Variants in SERGEF observed in about 807,000 individuals in gnomAD.
The protein encoded by SERGEF is secretion regulating guanine nucleotide exchange factor.
A neutral mutation model predicts 50.0 loss-of-function variants in SERGEF; 51 were observed. The observed-to-expected ratio is 1.02, with a 90% CI of 0.81 to 1.29. The LOEUF (loss-of-function observed/expected upper bound fraction) is 1.29, where lower values mean the gene tolerates loss of function less well. Among genes scored for constraint, SERGEF ranks in the 50% most tolerant of loss-of-function variants. The pLI, the probability that SERGEF is intolerant of heterozygous loss-of-function variation, is 0.00. For synonymous variants in SERGEF, 205 were observed against 212.4 expected (o/e 0.97, Z 0.30); for missense variants, 521 against 557.0 (o/e 0.94, Z 0.65).
At chr11:18,004,255 G>A (rs1854026211) in intron 4 of SERGEF, among the ~76,000 whole-genome samples, 186 bp downstream of exon 4, 1 of 152,144 alleles carries the variant, frequency 6.6e-6, no homozygotes, top group South Asian at 2.1e-4. Context: ...AACTAACAGA[G>A]GTTTTCATTC....
At chr11:17,976,031 T>C (rs1368956076) in intron 8 of SERGEF, among the ~76,000 whole-genome samples, 1 of 152,024 alleles carries the variant, frequency 6.6e-6, no homozygotes, top group African/African-American at 2.4e-5. Context: ...AGCAGACAAA[T>C]TAGGAATTAA....
chr11:17,932,786 G>A (rs943468413), intron 9 of SERGEF, among the ~76,000 whole-genome samples: 3 of 152,124 alleles, frequency 2.0e-5, no homozygotes, highest in Non-Finnish European at 4.4e-5. Flanking sequence ...GAGAGGCAGA[G>A]CAACTTCAAG....
chr11:17,880,096 T>C (rs1851310238), intron 9 of SERGEF, among the ~76,000 whole-genome samples: 1 of 152,232 alleles, frequency 6.6e-6, no homozygotes, highest in South Asian at 2.1e-4. Context: ...TTTTCCTGTG[T>C]AGAAGCTGTG....
rs780309419 is a variant in SERGEF, at chr11:17,788,312, A to T, written c.1150T>A (p.Ser384Thr). 6.2e-7 allele frequency: 1 copy of T among 1,614,218 alleles called. No individual in the cohort carries two copies. The highest frequency in any genetic ancestry group is 1.7e-5 in the Admixed American group (1 of 60,030). ...APKPVQALLS[S>T]SGLLVGCGAG... is the part of the protein sequence containing the mutation. The stretch of plus-strand genomic sequence containing the variant: ...CCACAGCCCACAAGGAGTCCTGACG[A>T]TGACAGCAGAGCCTGCACCGGCTTT... The change falls in exon 11 of 11, where the codon TCG becomes ACG. Residue 384 changes from serine (S) to threonine (T), a missense_variant. Ser to Thr is a moderately conservative substitution (Grantham distance 58). Coordinates refer to ENST00000265965, the MANE Select transcript of SERGEF (RefSeq NM_012139.4).
intron 9 of SERGEF, among the ~76,000 whole-genome samples, chr11:17,920,150 G>A (rs1190880553): frequency 6.6e-6 from 1 of 152,108 alleles, no homozygotes; most frequent in African/African-American, 2.4e-5. Flanking sequence ...AGGAGGCTGA[G>A]GCAGGAGAAT....
intron 7 of SERGEF, among the ~76,000 whole-genome samples, chr11:17,992,100 C>T (rs886744096): frequency 6.6e-6 from 1 of 151,846 alleles, no homozygotes; most frequent in Non-Finnish European, 1.5e-5. Flanking sequence ...TGTATTGGCT[C>T]GGTGTTTCAA....
At chr11:17,955,611 A>T (rs1267337618) in intron 9 of SERGEF, among the ~76,000 whole-genome samples, 2 of 152,212 alleles carry the variant, frequency 1.3e-5, no homozygotes, top group East Asian at 3.8e-4. Flanking sequence ...TCAAAGCTGA[A>T]CTGCAAGTTC....
Position 18,006,724 on chromosome 11 carries a change from A to G in SERGEF, c.219T>C (p.Cys73=). Residue 73 remains cysteine (C), a synonymous_variant, in exon 3 of 11, where the codon TGT becomes TGC. Transcript: ENST00000265965. ...VVTDGGDLFV[C]GLNKDGQLGL... ...CCAGTTGCCCATCTTTGTTCAGGCC[A>G]CAAACAAAGAGGTCTCCTCCATCTG... 4 of 1,614,220 alleles carry G rather than the reference A, an allele frequency of 2.5e-6. No homozygotes were observed. The highest frequency in any genetic ancestry group is 3.4e-6 in the Non-Finnish European group (4 of 1,180,036).
At chr11:17,794,903 A>G (rs1181085660) in intron 10 of SERGEF, among the ~76,000 whole-genome samples, 1 of 152,240 alleles carries the variant, frequency 6.6e-6, no homozygotes, top group East Asian at 1.9e-4. Flanking sequence ...AGCTGGCGAG[A>G]GAAAGATACT....
chr11:17,870,506 C>A (rs1208137982), intron 10 of SERGEF, among the ~76,000 whole-genome samples: 1 of 152,188 alleles, frequency 6.6e-6, no homozygotes, highest in Non-Finnish European at 1.5e-5. Flanking sequence ...CTCTCTGGAA[C>A]TTCCAGGAAG....
At chr11:17,851,779 T>C (rs187679762) in intron 10 of SERGEF, among the ~76,000 whole-genome samples, 22 of 152,284 alleles carry the variant, frequency 1.4e-4, no homozygotes, top group Non-Finnish European at 2.6e-4. Flanking sequence ...GTATCCAAGG[T>C]GACTGTGCTG....
intron 10 of SERGEF, among the ~76,000 whole-genome samples, chr11:17,847,099 G>A (rs991243910): frequency 6.6e-6 from 1 of 152,230 alleles, no homozygotes; most frequent in Non-Finnish European, 1.5e-5. Flanking sequence ...AGGCAGCACC[G>A]CTGCAGCCCC....
intron 1 of SERGEF, among the ~76,000 whole-genome samples, chr11:18,010,645 C>T (rs771026266): frequency 3.3e-5 from 5 of 152,168 alleles, no homozygotes; most frequent in Non-Finnish European, 5.9e-5. Flanking sequence ...TATTTTTCTT[C>T]ATGCCACTTC....
At chr11:17,817,043 TCTC>T (rs1565175239) in intron 10 of SERGEF, among the ~76,000 whole-genome samples, 2 of 152,120 alleles carry the variant, frequency 1.3e-5, no homozygotes, top group South Asian at 4.1e-4. Context: ...AGATCTCTCC[TCTC>T]CTCTGCTGCT....
intron 10 of SERGEF, among the ~76,000 whole-genome samples, chr11:17,848,651 C>G (rs533774762): frequency 1.6e-4 from 25 of 152,292 alleles, no homozygotes; most frequent in African/African-American, 6.0e-4. Flanking sequence ...GATAGGTCAT[C>G]TTTTATCCAT....
chr11:17,927,951 C>G (rs1852281322), intron 9 of SERGEF, among the ~76,000 whole-genome samples: 1 of 152,198 alleles, frequency 6.6e-6, no homozygotes, highest in South Asian at 2.1e-4. Context: ...AAGCAGCTGG[C>G]TAGTAGTAAG....
chr11:17,954,209 C>T (rs569273959), intron 9 of SERGEF, among the ~76,000 whole-genome samples: 13 of 152,288 alleles, frequency 8.5e-5, no homozygotes, highest in Middle Eastern at 6.8e-3. Flanking sequence ...CAGAGCCCTC[C>T]GGACTCAGCT....
chr11:17,807,480 G>T (rs750638054), intron 10 of SERGEF, among the ~76,000 whole-genome samples: 10 of 152,172 alleles, frequency 6.6e-5, no homozygotes, highest in Admixed American at 1.3e-4. Context: ...AGGAAGCCAG[G>T]CCCTGGCTGT....
At chr11:17,898,366 G>C (rs962839269) in intron 9 of SERGEF, among the ~76,000 whole-genome samples, 2 of 152,168 alleles carry the variant, frequency 1.3e-5, no homozygotes, top group Non-Finnish European at 2.9e-5. Flanking sequence ...GGTAAGAGTA[G>C]GTTGAACTTC....
Sources: gnomAD v4.1 joint callset for allele counts (sites outside exome capture counted in the v4.1 genomes callset) on GRCh38, gnomAD v4.1.1 for gene constraint, MANE v1.5 for transcripts, NCBI Gene and HGNC (gene_info 2026-07-23, HGNC 2026-07-21) for gene names.